Variants in ADGRG5 observed in about 807,000 individuals in gnomAD.
The protein encoded by ADGRG5 is G protein-coupled receptor 114.
ADGRG5 carries 37 observed loss-of-function variants against 53.2 expected under a neutral mutation model. The observed-to-expected ratio is 0.70, with a 90% CI of 0.53 to 0.91. The LOEUF is 0.91. Among genes scored for constraint, ADGRG5 ranks in the 40% least tolerant of loss-of-function variants. ADGRG5 has a pLI of 0.00. For synonymous variants in ADGRG5, 277 were observed against 290.4 expected, an observed-to-expected ratio of 0.95 and a Z score of 0.47; for missense variants, 614 against 675.8, an observed-to-expected ratio of 0.91 and a Z score of 1.01.
intron 9 of ADGRG5, among the ~76,000 whole-genome samples, chr16:57,569,881 A>G (rs1400509375): frequency 6.6e-6 from 1 of 150,632 alleles, no homozygotes; most frequent in Non-Finnish European, 1.5e-5. Flanking sequence ...CACCTCTGTC[A>G]TCACCATCAT....
intron 1 of ADGRG5, among the ~76,000 whole-genome samples, chr16:57,547,782 C>T (rs1195744296): frequency 1.3e-5 from 2 of 151,308 alleles, no homozygotes; most frequent in Non-Finnish European, 2.9e-5. Flanking sequence ...AAGAGTCTCA[C>T]TCTGTCATCC....
At chr16:57,570,756 C>T (rs1196307789) in intron 10 of ADGRG5, among the ~76,000 whole-genome samples, 2 of 152,332 alleles carry the variant, frequency 1.3e-5, no homozygotes, top group African/African-American at 2.4e-5. Flanking sequence ...GTGAAGTCTA[C>T]GAAGCCAGCG....
chr16:57,544,150 C>CCCTGGA (rs2032561276), intron 1 of ADGRG5, among the ~76,000 whole-genome samples: 1 of 152,144 alleles, frequency 6.6e-6, no homozygotes, highest in African/African-American at 2.4e-5. Flanking sequence ...GGGGGTAGTG[C>CCCTGGA]CCTGGACCGT....
chr16:57,562,362 A>AG, intron 2 of ADGRG5, 22 bp from the exon 3 acceptor site: 1 of 1,589,842 alleles, frequency 6.3e-7, no homozygotes, highest in Non-Finnish European at 8.6e-7. Context: ...ACACAAACTG[A>AG]GGGGGAGGTG....
chr16:57,556,016 C>T (rs913518019), intron 1 of ADGRG5, among the ~76,000 whole-genome samples: 20 of 152,130 alleles, frequency 1.3e-4, no homozygotes, highest in African/African-American at 3.6e-4. Context: ...CTTCGCCTCC[C>T]GCCATGATTG....
chr16:57,536,524 G>T, the ADGRG5 span: 5 of 152,240 alleles, frequency 3.3e-5, no homozygotes, highest in African/African-American at 9.7e-5. Context: ...TGCGGGCTCC[G>T]TACGTCCCAG....
At chr16:57,565,385 C>G in intron 6 of ADGRG5, 1 of 554,794 alleles carries the variant, frequency 1.8e-6, no homozygotes, top group Non-Finnish European at 3.2e-6. Flanking sequence ...ACAGAGGGAA[C>G]TGATTGGCAC....
intron 4 of ADGRG5, 116 bp from the exon 5 acceptor site, chr16:57,563,732 G>A: frequency 1.5e-6 from 2 of 1,330,320 alleles, no homozygotes; most frequent in African/African-American, 1.4e-5. Flanking sequence ...GGGGGGAGAA[G>A]GTTCTGTGGG....
chr16:57,569,287 TCCTCCACCTCCATCATCATCA>T (rs1426411491), intron 9 of ADGRG5, among the ~76,000 whole-genome samples: 6 of 140,056 alleles, frequency 4.3e-5, no homozygotes, highest in Non-Finnish European at 7.7e-5. Context: ...CATCATCACC[TCCTCCACCTCCATCATCATCA>T]CCTCCACCTC....
rs754324787 is a variant in ADGRG5 at position 57,562,071 on chromosome 16, T to C, written c.-23T>C. 9 of 1,531,926 alleles carry C rather than the reference T, an allele frequency of 5.9e-6. No homozygotes were observed. In the Admixed American group the frequency reaches 1.9e-4, roughly 32 times the overall value. The allele number at this position is 1,531,926 out of a possible 1,614,324, so 94.9% of individuals were successfully genotyped here. On this transcript the variant is annotated 5_prime_UTR_variant, in exon 2 of 12. Transcript: ENST00000349457. Reference sequence around the variant, plus strand: ...CCTTTTTCAGGGCCGGAGCCAGTTCTTGGAGGAGACTCTGCACAGGGCATG... The same window carrying C: ...CCTTTTTCAGGGCCGGAGCCAGTTCCTGGAGGAGACTCTGCACAGGGCATG...
intron 4 of ADGRG5, among the ~76,000 whole-genome samples, chr16:57,563,459 C>T (rs1444475174): frequency 6.6e-6 from 1 of 152,370 alleles, no homozygotes; most frequent in African/African-American, 2.4e-5. Flanking sequence ...TTTATTGCCC[C>T]TGCAGGGCAG....
intron 1 of ADGRG5, among the ~76,000 whole-genome samples, 179 bp from the exon 2 acceptor site, chr16:57,561,877 T>C (rs1467687180): frequency 6.6e-6 from 1 of 152,190 alleles, no homozygotes; most frequent in African/African-American, 2.4e-5. Flanking sequence ...AGACCTGGCT[T>C]TAGGCAGGTT....
At chr16:57,566,444 C>A in intron 6 of ADGRG5, 155 bp from the exon 7 acceptor site, 1 of 584,858 alleles carries the variant, frequency 1.7e-6, no homozygotes, top group Non-Finnish European at 2.8e-6. Context: ...GGAGGTGGGA[C>A]AGGAATCTGA....
intron 1 of ADGRG5, among the ~76,000 whole-genome samples, chr16:57,560,185 G>A (rs11862565): frequency 0.022 from 3,403 of 152,144 alleles, 134 homozygotes; most frequent in African/African-American, 0.079. Flanking sequence ...GCATCAACCC[G>A]GGCCTTCCCT....
intron 1 of ADGRG5, among the ~76,000 whole-genome samples, chr16:57,560,852 T>C (rs954647209): frequency 1.3e-5 from 2 of 152,152 alleles, no homozygotes; most frequent in Non-Finnish European, 2.9e-5. Context: ...TGGTATGATT[T>C]TGACTCACTG....
intron 1 of ADGRG5, among the ~76,000 whole-genome samples, chr16:57,551,931 G>A (rs1383515405): frequency 7.2e-5 from 11 of 152,184 alleles, no homozygotes; most frequent in Non-Finnish European, 1.0e-4. Flanking sequence ...TGTTGTGTTA[G>A]CAGCACGAGA....
chr16:57,564,030 T>C, intron 5 of ADGRG5, 51 bp downstream of exon 5: 1 of 1,582,836 alleles, frequency 6.3e-7, no homozygotes, highest in Non-Finnish European at 8.6e-7. Flanking sequence ...CTTCTTGGGA[T>C]CCACTGCAGG....
chr16:57,550,442 G>C (rs527953641), intron 1 of ADGRG5, among the ~76,000 whole-genome samples: 5 of 152,204 alleles, frequency 3.3e-5, no homozygotes, highest in East Asian at 3.9e-4. Flanking sequence ...CCAGTCTGTG[G>C]CTTATCTTCT....
chr16:57,575,185 C>T (rs1334061656), intron 11 of ADGRG5, 93 bp downstream of exon 11: 33 of 1,384,790 alleles, frequency 2.4e-5, no homozygotes, highest in African/African-American at 1.2e-4. Flanking sequence ...GTGAAGGGGG[C>T]GAGTGGGGGA....
Sources: gnomAD v4.1 joint callset for allele counts (sites outside exome capture counted in the v4.1 genomes callset) on GRCh38, gnomAD v4.1.1 for gene constraint, MANE v1.5 for transcripts, NCBI Gene and HGNC (gene_info 2026-07-23, HGNC 2026-07-21) for gene names.